MCTP2: variants seen among roughly 807,000 people sequenced by gnomAD.
MCTP2 encodes multiple C2 and transmembrane domain-containing protein 2.
A neutral mutation model predicts 111.6 loss-of-function variants in MCTP2; 132 were observed. The ratio of observed to expected loss-of-function variants is 1.18; its 90% CI spans 1.03 to 1.37. The LOEUF (loss-of-function observed/expected upper bound fraction) is 1.37, where lower values mean the gene tolerates loss of function less well. Ranked by LOEUF, MCTP2 falls within the 40% of genes most tolerant of loss-of-function variation. The pLI is 0.00. For missense variants in MCTP2, 1,183 were observed against 1,067.9 expected, an observed-to-expected ratio of 1.11 and a Z score of -1.50; for synonymous variants, 395 against 387.7, an observed-to-expected ratio of 1.02 and a Z score of -0.22.
intron 1 of MCTP2, among the ~76,000 whole-genome samples, chr15:94,237,783 A>G (rs1373804322): frequency 6.6e-6 from 1 of 152,150 alleles, no homozygotes; most frequent in African/African-American, 2.4e-5. Flanking sequence ...AGGTCTGAAT[A>G]GGAAACATTT....
intron 4 of MCTP2, among the ~76,000 whole-genome samples, chr15:94,317,377 G>A (rs546529158): frequency 2.6e-5 from 4 of 152,272 alleles, no homozygotes; most frequent in South Asian, 2.1e-4. Flanking sequence ...AGGGTGAGCC[G>A]GTAGTTCAGG....
intron 21 of MCTP2, chr15:94,476,495 T>G (rs2074361411): frequency 2.3e-6 from 1 of 428,606 alleles, no homozygotes; most frequent in Non-Finnish European, 4.2e-6. Flanking sequence ...TGTGCTTGAC[T>G]TGAGGTCTGG....
At position 94,431,493 on chromosome 15, in the gene MCTP2, T is replaced by C. The variant is rs965765502; in HGVS notation, c.2086-8683T>C. Among the ~76,000 whole-genome samples, 4 of 152,332 alleles carry C rather than the reference T, an allele frequency of 2.6e-5. 1 individual carries two copies. In the South Asian group the frequency reaches 8.3e-4, roughly 32 times the overall value. On this transcript the variant is annotated intron_variant, in intron 17 of 22. Coordinates refer to ENST00000357742, the MANE Select transcript of MCTP2 (RefSeq NM_001385001.1). ...TTGGCCAGGGAAAAATGGAATATTT[T>C]AATCAGTTCGATGCTGTTGATAAAA...
At chr15:94,369,940 TTATATAA>T in intron 11 of MCTP2, 140 bp from the exon 12 acceptor site, 1 of 486,886 alleles carries the variant, frequency 2.1e-6, no homozygotes, top group South Asian at 4.5e-5. Flanking sequence ...AACCGTCCTG[TTATATAA>T]TATATTTTTG....
intron 1 of MCTP2, among the ~76,000 whole-genome samples, chr15:94,296,788 G>A (rs1481537787): frequency 6.6e-6 from 1 of 152,170 alleles, no homozygotes; most frequent in Non-Finnish European, 1.5e-5. Context: ...AATCAGAATT[G>A]TAACCCATGG....
chr15:94,420,281 T>TA (rs1379584902), intron 17 of MCTP2, among the ~76,000 whole-genome samples: 7 of 152,188 alleles, frequency 4.6e-5, no homozygotes, highest in Non-Finnish European at 1.0e-4. Context: ...GTGATGGAGA[T>TA]ATACAATGAG....
chr15:94,357,395 C>T (rs2078683696), intron 9 of MCTP2, among the ~76,000 whole-genome samples: 1 of 152,120 alleles, frequency 6.6e-6, no homozygotes, highest in Non-Finnish European at 1.5e-5. Context: ...CTTTAGCTTG[C>T]CAGGGTCAGG....
intron 1 of MCTP2, among the ~76,000 whole-genome samples, chr15:94,244,347 T>C (rs562655861): frequency 6.7e-6 from 1 of 149,474 alleles, no homozygotes; most frequent in East Asian, 2.0e-4. Flanking sequence ...CACGTATACG[T>C]ATACACATAC....
chr15:94,470,364 TC>T lies in MCTP2; in HGVS notation c.2393del (p.Ser798PhefsTer5). ...TAACTGGACGGTCCCCTTCCTTTCA[TC>T]TCTGGCCTGTTTGATTCTGGCAGCA... ...TFNWTVPFLS[S>X]LACLILAAAT... On this transcript the variant is annotated frameshift_variant, in exon 21 of 23. Transcript: ENST00000357742. LOFTEE classifies it high-confidence loss of function. The T allele has an allele frequency of 6.2e-7, 1 of 1,613,852 alleles. No homozygotes were observed. The highest frequency in any genetic ancestry group is 8.5e-7 in the Non-Finnish European group (1 of 1,179,724).
chr15:94,426,737 C>T (rs2082910403), intron 17 of MCTP2, among the ~76,000 whole-genome samples: 1 of 151,884 alleles, frequency 6.6e-6, no homozygotes, highest in Non-Finnish European at 1.5e-5. Context: ...TTTACTAGAA[C>T]ATTTTAAAGG....
chr15:94,454,853 C>G (rs562405559), intron 19 of MCTP2, among the ~76,000 whole-genome samples: 1 of 152,174 alleles, frequency 6.6e-6, no homozygotes, highest in African/African-American at 2.4e-5. Context: ...TGGAGTCTCG[C>G]TCTGTGGCCC....
At chr15:94,349,010 C>G (rs2078149988) in intron 8 of MCTP2, among the ~76,000 whole-genome samples, 2 of 152,018 alleles carry the variant, frequency 1.3e-5, no homozygotes, top group Admixed American at 6.6e-5. Context: ...TCTAATTTAG[C>G]TCATCTATCT....
At chr15:94,467,065 A>AAATG (rs1431279729) in intron 20 of MCTP2, among the ~76,000 whole-genome samples, 2 of 152,176 alleles carry the variant, frequency 1.3e-5, no homozygotes, top group African/African-American at 4.8e-5. Context: ...ATATCTTTAT[A>AAATG]AATGATTTAT....
intron 17 of MCTP2, chr15:94,402,368 A>G: frequency 6.7e-7 from 1 of 1,483,074 alleles, no homozygotes; most frequent in East Asian, 2.5e-5. Context: ...CTAAATAATA[A>G]CTGAATTGTT....
intron 8 of MCTP2, among the ~76,000 whole-genome samples, chr15:94,345,809 G>C (rs944654772): frequency 6.6e-6 from 1 of 152,180 alleles, no homozygotes; most frequent in Non-Finnish European, 1.5e-5. Context: ...AAAAGTATTT[G>C]TAACTTAATT....
chr15:94,380,767 CAAA>C (rs376038646), intron 12 of MCTP2, among the ~76,000 whole-genome samples: 1,565 of 114,964 alleles, frequency 0.014, 25 homozygotes, highest in African/African-American at 0.047. Context: ...GACTCCGTCT[CAAA>C]AAAAAAAAAG....
chr15:94,450,638 A>G (rs902908469), intron 19 of MCTP2, among the ~76,000 whole-genome samples: 2 of 152,228 alleles, frequency 1.3e-5, no homozygotes, highest in Non-Finnish European at 2.9e-5. Context: ...ATTCTTATTT[A>G]AAGTCTAAAG....
intron 19 of MCTP2, among the ~76,000 whole-genome samples, chr15:94,457,127 T>C (rs1423323586): frequency 6.6e-5 from 10 of 152,212 alleles, no homozygotes. Context: ...AGGAAAAAAG[T>C]TCTGTAAGAA....
In MCTP2 at chr15:94,394,366, A is replaced by G. The variant is rs1190095649; in HGVS notation, c.1789-4595A>G. Among the ~76,000 whole-genome samples, 4 of 152,140 alleles carry G rather than the reference A, an allele frequency of 2.6e-5. No homozygotes were observed. The East Asian group carries it at 5.8e-4, about 22-fold the overall frequency. On this transcript the variant is annotated intron_variant, in intron 14 of 22. Coordinates refer to ENST00000357742, the MANE Select transcript of MCTP2 (RefSeq NM_001385001.1). ...ATTCCCCGGCACACAGTGAGCACTTATAGTGTAAGCTGGCATTATTTTCAT... is the reference window on the plus strand; with the variant it reads ...ATTCCCCGGCACACAGTGAGCACTTGTAGTGTAAGCTGGCATTATTTTCAT...
Sources: allele counts gnomAD v4.1 joint callset (sites outside exome capture counted in the v4.1 genomes callset), GRCh38; gene constraint gnomAD v4.1.1; transcripts MANE v1.5; gene names NCBI Gene and HGNC (gene_info 2026-07-23, HGNC 2026-07-21).